The following MGAM variants were observed in gnomAD, a reference collection of about 807,000 sequenced individuals.
MGAM encodes maltase-glucoamylase.
A neutral mutation model predicts 358.8 loss-of-function variants in MGAM; 253 were observed. That is an observed-to-expected ratio of 0.71 (90% CI 0.64 to 0.78). The LOEUF (loss-of-function observed/expected upper bound fraction) is 0.78, where lower values mean the gene tolerates loss of function less well. MGAM is among the 30% of genes least tolerant of loss of function. The pLI is 0.00. For missense variants in MGAM, 3,080 were observed against 3,432.6 expected (o/e 0.90, Z 2.57); for synonymous variants, 1,105 against 1,227.1 (o/e 0.90, Z 2.08).
rs190246276 is a variant in MGAM at position 142,042,942 on chromosome 7, A to C, written c.2498+2096A>C. Among the ~76,000 whole-genome samples, 343 of 53,920 alleles carry C rather than the reference A, an allele frequency of 6.4e-3. 4 individuals carry two copies. The highest frequency in any genetic ancestry group is 0.021 in the African/African-American group (239 of 11,486). 35.4% of individuals were successfully genotyped at this position (53,920 alleles called of 152,430 possible). The stretch of plus-strand genomic sequence containing the variant: ...TACATATAATATCTAAATATAATAT[A>C]TATATTATATATACATATAATATCT... On this transcript the variant is annotated intron_variant, in intron 21 of 70. Coordinates refer to ENST00000475668, the MANE Select transcript of MGAM (RefSeq NM_001365693.1).
At position 142,082,497 on chromosome 7, in the gene MGAM, T is replaced by C; in HGVS notation, c.6194T>C (p.Val2065Ala). 1 of 1,533,522 alleles carries C rather than the reference T, an allele frequency of 6.5e-7. No individual in the cohort carries two copies. The highest frequency in any genetic ancestry group is 8.9e-7 in the Non-Finnish European group (1 of 1,120,438). The allele number at this position is 1,533,522 out of a possible 1,614,324, so 95.0% of individuals were successfully genotyped here. Reference sequence around the variant, plus strand: ...CAGTACAAGAAGAATTCCTATGGTGTCCACCCCTACTACATGGGGCTAGAG... The same window carrying C: ...CAGTACAAGAAGAATTCCTATGGTGCCCACCCCTACTACATGGGGCTAGAG... Reference protein sequence around the residue: ...PPGYKKNSYGVHPYYMGLEED... With the variant: ...PPGYKKNSYGAHPYYMGLEED... Residue 2065 changes from valine (V) to alanine (A), a missense_variant, in exon 52 of 71, where the codon GTC (valine) becomes GCC (alanine). By Grantham distance (64) the Val-to-Ala change is moderately conservative (BLOSUM62 0). Coordinates refer to ENST00000475668, the MANE Select transcript of MGAM (RefSeq NM_001365693.1).
In MGAM at chr7:142,071,164, A is replaced by G. The variant is rs757388581; in HGVS notation, c.5186+46A>G. The G allele has an allele frequency of 3.1e-5, 47 of 1,515,188 alleles. 9 individuals are homozygous for G. The highest frequency in any genetic ancestry group is 4.1e-5 in the Non-Finnish European group (45 of 1,106,636). The allele number at this position is 1,515,188 out of a possible 1,614,324, so 93.9% of individuals were successfully genotyped here. A position where few individuals can be genotyped will look rare whatever the true frequency, so the allele number is the denominator to read the frequency against. The stretch of plus-strand genomic sequence containing the variant: ...TTTCCTTTACATTTCAGTTAGCTCA[A>G]CAATTTGTGATGAAGTCTACCAAAA... On this transcript the variant is annotated intron_variant, in intron 44 of 70. Coordinates refer to ENST00000475668, the MANE Select transcript of MGAM (RefSeq NM_001365693.1).
At chr7:142,042,449 AATAT>A (rs1267480125) in intron 21 of MGAM, among the ~76,000 whole-genome samples, 1 of 21,934 alleles carries the variant, frequency 4.6e-5, no homozygotes, top group Non-Finnish European at 8.1e-5. Context: ...TATAATATAT[AATAT>A]AACATATAAT....
At chr7:142,067,017 G>A (rs1473992761) in intron 41 of MGAM, among the ~76,000 whole-genome samples, 1 of 146,370 alleles carries the variant, frequency 6.8e-6, no homozygotes, top group Admixed American at 6.9e-5. Flanking sequence ...TTGTTATATG[G>A]ACCCAGGTCA....
rs1423957377 is a variant in MGAM, at chr7:142,016,518, C to G, written c.328-2681C>G. On this transcript the variant is annotated intron_variant, in intron 3 of 70. Coordinates refer to ENST00000475668, the MANE Select transcript of MGAM (RefSeq NM_001365693.1). ...TGTAATATCTTGAAACTTTAATCAT[C>G]ATGTACTGACTCTATGTCTCTCTAA... is the stretch of plus-strand genomic sequence containing the variant. Among the ~76,000 whole-genome samples the G allele has an allele frequency of 2.9e-4, 44 of 152,130 alleles. 1 individual carries two copies. Among genetic ancestry groups the G allele is most frequent in the Admixed American group, 2.9e-3 (44 of 15,270 alleles).
Position 142,041,908 on chromosome 7 carries a change from TATATATACGTATAATATATAA to T in MGAM, c.2498+1063_2498+1083del, listed in dbSNP as rs1808655394. Among the ~76,000 whole-genome samples the T allele has an allele frequency of 4.7e-4, 9 of 19,054 alleles. 1 individual carries two copies. Among genetic ancestry groups the T allele is most frequent in the African/African-American group, 2.1e-3 (8 of 3,744 alleles). The allele number at this position is 19,054 out of a possible 152,430, so 12.5% of individuals were successfully genotyped here. On this transcript the variant is annotated intron_variant, in intron 21 of 70. Coordinates refer to ENST00000475668, the MANE Select transcript of MGAM (RefSeq NM_001365693.1). The stretch of plus-strand genomic sequence containing the variant: ...CGTATAATATATAATATATATATTA[TATATATACGTATAATATATAA>T]TATATATATTATATATATACATATA...
chr7:141,997,489 A>G (rs1554449084), intron 1 of MGAM, among the ~76,000 whole-genome samples: 1 of 152,230 alleles, frequency 6.6e-6, no homozygotes, highest in East Asian at 1.9e-4. Context: ...TTAATGAGCT[A>G]ATAAAATTAC....
chr7:142,097,594 A>G lies in MGAM; in HGVS notation c.7694A>G (p.Asn2565Ser). Residue 2565 changes from asparagine to serine, a missense_variant and splice_region_variant, in exon 66 of 71, where the codon AAT (asparagine) becomes AGT (serine). Coordinates refer to ENST00000475668, the MANE Select transcript of MGAM (RefSeq NM_001365693.1). ...AFLVSPVLERNARNVTAYFPR... is the reference protein window; with the variant it reads ...AFLVSPVLERSARNVTAYFPR... The stretch of plus-strand genomic sequence containing the variant: ...CACCTTGTTTATGTTTCATTTTAGA[A>G]TGCCAGAAATGTCACTGCATATTTC... The G allele has an allele frequency of 1.2e-6, 2 of 1,612,694 alleles. No individual in the cohort carries two copies. The highest frequency in any genetic ancestry group is 1.7e-6 in the Non-Finnish European group (2 of 1,178,748).
upstream of MGAM, among the ~76,000 whole-genome samples, chr7:141,994,777 T>C (rs1248323652): frequency 6.6e-6 from 1 of 152,186 alleles, no homozygotes; most frequent in Non-Finnish European, 1.5e-5. Context: ...TTTTCCCTGC[T>C]CTTGCTCACT....
At chr7:141,987,750 T>G in intron 2 of MGAM, among the ~76,000 whole-genome samples, 1 of 151,964 alleles carries the variant, frequency 6.6e-6, no homozygotes, top group East Asian at 1.9e-4. Context: ...CCACTTTGAA[T>G]TTGTTGAATG....
intron 33 of MGAM, 123 bp from the exon 34 acceptor site, chr7:142,060,188 A>G (rs1392396330): frequency 2.1e-6 from 3 of 1,407,072 alleles, no homozygotes; most frequent in African/African-American, 2.8e-5. Flanking sequence ...TTTTATGTCA[A>G]TCCTATGTGA....
intron 21 of MGAM, among the ~76,000 whole-genome samples, chr7:142,042,053 A>G (rs1314538841): frequency 4.1e-5 from 3 of 73,764 alleles, no homozygotes; most frequent in Admixed American, 2.3e-4. Flanking sequence ...AATATATAAT[A>G]TATATACATA....
At chr7:142,042,527 T>TTA (rs1554469827) in intron 21 of MGAM, among the ~76,000 whole-genome samples, 29 of 2,018 alleles carry the variant, frequency 0.014, 10 homozygotes, top group African/African-American at 0.071. Flanking sequence ...TATATACATA[T>TTA]TATATATATA....
upstream of MGAM, among the ~76,000 whole-genome samples, chr7:141,993,509 C>T (rs1554447758): frequency 6.6e-6 from 1 of 152,210 alleles, no homozygotes; most frequent in African/African-American, 2.4e-5. Flanking sequence ...CTGGCAACCA[C>T]AGGTTCACAG....
At position 142,080,744 on chromosome 7, in the gene MGAM, G is replaced by T. The variant is rs1482384607; in HGVS notation, c.5848-47G>T. ...CAAAAAGGTTCTGCTAAGGGTATAG[G>T]TTTCAAGAGTAGTATTCTTGCCTAA... On this transcript the variant is annotated intron_variant, in intron 49 of 70. Coordinates refer to ENST00000475668, the MANE Select transcript of MGAM (RefSeq NM_001365693.1). 4 of 1,487,004 alleles carry T rather than the reference G, an allele frequency of 2.7e-6. 1 individual carries two copies. Among genetic ancestry groups the T allele is most frequent in the Admixed American group, 1.8e-5 (1 of 55,082 alleles). 92.1% of individuals were successfully genotyped at this position (1,487,004 alleles called of 1,614,324 possible).
Position 142,085,828 on chromosome 7 carries a change from C to A in MGAM, c.6508-5C>A, listed in dbSNP as rs777969897. The A allele has an allele frequency of 2.2e-5, 34 of 1,563,310 alleles. 6 individuals are homozygous for A. Among genetic ancestry groups the A allele is most frequent in the Non-Finnish European group, 2.9e-5 (33 of 1,139,884 alleles). The stretch of plus-strand genomic sequence containing the variant: ...AGCCTCTCAGCTCCCCATGTCCTCC[C>A]GCAGGACGTGCAGTACTCAGACATC... On this transcript the variant is annotated splice_region_variant and splice_polypyrimidine_tract_variant and intron_variant, in intron 54 of 70. Coordinates refer to ENST00000475668, the MANE Select transcript of MGAM (RefSeq NM_001365693.1).
At position 142,076,255 on chromosome 7, in the gene MGAM, G is replaced by C. The variant is rs765304450; in HGVS notation, c.5325+3G>C. On this transcript the variant is annotated splice_donor_region_variant and intron_variant, in intron 46 of 70. Transcript: ENST00000475668. ...TATGTGAGTTTTCTGTCACTCAAGT[G>C]AGTAGCATATTTTTATGAATCTTAG... is the stretch of plus-strand genomic sequence containing the variant. 1 of 1,532,520 alleles carries C rather than the reference G, an allele frequency of 6.5e-7. No homozygotes were observed. The highest frequency in any genetic ancestry group is 9.0e-7 in the Non-Finnish European group (1 of 1,114,356). The allele number at this position is 1,532,520 out of a possible 1,614,324, so 94.9% of individuals were successfully genotyped here.
chr7:142,072,139 T>C (rs1813394079), intron 44 of MGAM, among the ~76,000 whole-genome samples: 1 of 146,030 alleles, frequency 6.8e-6, no homozygotes, highest in African/African-American at 2.4e-5. Context: ...TCTCAACTGG[T>C]TGCTCCCAGG....
rs910698585 is a variant in MGAM, at chr7:142,104,074, G to C, written c.8184+635G>C. On this transcript the variant is annotated intron_variant, in intron 70 of 70. Transcript: ENST00000475668. ...TCACTGTGTTAGCCAGGATGGTCTC[G>C]ATCTCCTGACCCTGTGATCCGCCTG... Among the ~76,000 whole-genome samples, 14 of 152,030 alleles carry C rather than the reference G, an allele frequency of 9.2e-5. No homozygotes were observed. The East Asian group carries it at 2.7e-3, about 29-fold the overall frequency.
Sources: gnomAD v4.1 joint callset for allele counts (sites outside exome capture counted in the v4.1 genomes callset) on GRCh38, gnomAD v4.1.1 for gene constraint, MANE v1.5 for transcripts, NCBI Gene and HGNC (gene_info 2026-07-23, HGNC 2026-07-21) for gene names.